ENTREP2: variants seen among roughly 807,000 people sequenced by gnomAD.
The protein encoded by ENTREP2 is endosomal transmembrane epsin interactor 2, also known as protein ENTREP2.
the ENTREP2 span, among the ~76,000 whole-genome samples, chr15:29,262,773 A>G: frequency 6.6e-6 from 1 of 152,262 alleles, no homozygotes; most frequent in African/African-American, 2.4e-5. Context: ...ACCATTGGTC[A>G]AAAGTTCCAG....
At chr15:29,547,066 C>A in the ENTREP2 span, among the ~76,000 whole-genome samples, 1 of 150,206 alleles carries the variant, frequency 6.7e-6, no homozygotes, top group African/African-American at 2.5e-5. Flanking sequence ...ACAGAACAAC[C>A]ACTGAAAACT....
chr15:29,540,118 G>A, the ENTREP2 span, among the ~76,000 whole-genome samples: 10 of 152,054 alleles, frequency 6.6e-5, no homozygotes, highest in African/African-American at 2.4e-4. Context: ...GCCTTTCTGG[G>A]ACCCTTATCC....
At chr15:29,157,622 T>C in the ENTREP2 span, among the ~76,000 whole-genome samples, 147 of 152,234 alleles carry the variant, frequency 9.7e-4, no homozygotes, top group African/African-American at 3.2e-3. Context: ...GGACTCACTG[T>C]AGTCTTAAAA....
chr15:29,215,890 G>A, the ENTREP2 span, among the ~76,000 whole-genome samples: 2 of 152,048 alleles, frequency 1.3e-5, no homozygotes, highest in African/African-American at 4.8e-5. Flanking sequence ...GGGTTGGTGA[G>A]TTCTTATCTA....
chr15:29,671,650 C>G, the ENTREP2 span, among the ~76,000 whole-genome samples: 1 of 152,180 alleles, frequency 6.6e-6, no homozygotes, highest in African/African-American at 2.4e-5. Flanking sequence ...CTTTGCTGTT[C>G]CAACATTTCA....
At chr15:29,600,902 C>CCTTTTTTTTTTTTTTTTTTTTTTTTTTT in the ENTREP2 span, among the ~76,000 whole-genome samples, 32 of 123,620 alleles carry the variant, frequency 2.6e-4, no homozygotes, top group African/African-American at 1.0e-3. Context: ...ATTTTTCTTT[C>CCTTTTTTTTTTTTTTTTTTTTTTTTTTT]TTTTTTTTTT....
chr15:29,263,482 T>C, the ENTREP2 span, among the ~76,000 whole-genome samples: 5,979 of 152,224 alleles, frequency 0.039, 384 homozygotes, highest in African/African-American at 0.14. Flanking sequence ...ATGTGGGACA[T>C]TGGAGCCCAC....
the ENTREP2 span, among the ~76,000 whole-genome samples, chr15:29,337,239 A>C: frequency 6.6e-6 from 1 of 152,172 alleles, no homozygotes; most frequent in African/African-American, 2.4e-5. Context: ...CATGGAGCTG[A>C]AGAGTGCTGT....
At chr15:29,192,143 C>T in the ENTREP2 span, among the ~76,000 whole-genome samples, 1 of 152,044 alleles carries the variant, frequency 6.6e-6, no homozygotes, top group Non-Finnish European at 1.5e-5. Context: ...CATGAGGGGA[C>T]AGGGAAGTAC....
chr15:29,195,529 C>T, the ENTREP2 span, among the ~76,000 whole-genome samples: 57,428 of 151,870 alleles, frequency 0.38, 11,056 homozygotes, highest in East Asian at 0.54. Flanking sequence ...ATTTATTTAT[C>T]CATTTTTTTC....
the ENTREP2 span, among the ~76,000 whole-genome samples, chr15:29,578,111 G>GA: frequency 6.6e-6 from 1 of 151,832 alleles, no homozygotes; most frequent in African/African-American, 2.4e-5. Flanking sequence ...ACCACAATAA[G>GA]AAAAAAACAA....
chr15:29,617,820 C>T, the ENTREP2 span, among the ~76,000 whole-genome samples: 1 of 152,182 alleles, frequency 6.6e-6, no homozygotes. Flanking sequence ...ACGGGGATGC[C>T]CGCTGAGCCT....
the ENTREP2 span, among the ~76,000 whole-genome samples, chr15:29,389,126 T>C: frequency 7.1e-6 from 1 of 139,962 alleles, no homozygotes; most frequent in Non-Finnish European, 1.6e-5. Flanking sequence ...AAAAAAACAA[T>C]AATAATAATT....
At chr15:29,359,629 T>C in the ENTREP2 span, among the ~76,000 whole-genome samples, 1 of 152,296 alleles carries the variant, frequency 6.6e-6, no homozygotes, top group Admixed American at 6.5e-5. Context: ...GCCAGGATGG[T>C]CTTGATCTCC....
the ENTREP2 span, among the ~76,000 whole-genome samples, chr15:29,674,044 G>A: frequency 2.6e-5 from 4 of 151,712 alleles, no homozygotes; most frequent in Admixed American, 6.6e-5. Flanking sequence ...GATCAGGTAG[G>A]AGGGTGACTG....
chr15:29,416,570 T>C, the ENTREP2 span, among the ~76,000 whole-genome samples: 1 of 152,024 alleles, frequency 6.6e-6, no homozygotes. Flanking sequence ...GCAATACCAT[T>C]CAGGACATAG....
chr15:29,342,657 G>C, the ENTREP2 span, among the ~76,000 whole-genome samples: 1 of 152,170 alleles, frequency 6.6e-6, no homozygotes, highest in African/African-American at 2.4e-5. Context: ...ATGTTCTCCA[G>C]CTTGTGGGTT....
the ENTREP2 span, among the ~76,000 whole-genome samples, chr15:29,423,515 C>T: frequency 2.8e-4 from 43 of 151,940 alleles, no homozygotes; most frequent in African/African-American, 9.9e-4. Context: ...TGGGCCGGCG[C>T]GGTGGCTCAC....
At chr15:29,510,163 G>A in the ENTREP2 span, among the ~76,000 whole-genome samples, 2 of 152,136 alleles carry the variant, frequency 1.3e-5, no homozygotes, top group Admixed American at 6.6e-5. Flanking sequence ...CATTATCACT[G>A]GTCATTAGAG....
Sources: allele counts gnomAD v4.1 joint callset (sites outside exome capture counted in the v4.1 genomes callset), GRCh38; gene constraint gnomAD v4.1.1; transcripts MANE v1.5; gene names NCBI Gene and HGNC (gene_info 2026-07-23, HGNC 2026-07-21).